The following GNAQ variants were observed in gnomAD, a reference collection of about 807,000 sequenced individuals.
GNAQ encodes G protein subunit alpha q.
In GNAQ, 8 loss-of-function variants were observed where a neutral mutation model predicts 43.9. That is an observed-to-expected ratio of 0.18 (90% CI 0.11 to 0.33). The LOEUF (loss-of-function observed/expected upper bound fraction) is 0.33, where lower values mean the gene tolerates loss of function less well. GNAQ is among the 10% of genes least tolerant of loss of function. GNAQ has a pLI of 1.00. For synonymous variants in GNAQ, 155 were observed against 170.7 expected, an observed-to-expected ratio of 0.91 and a Z score of 0.71; for missense variants, 158 against 450.8, an observed-to-expected ratio of 0.35 and a Z score of 5.88.
chr9:77,899,359 A>G (rs1248872491), intron 2 of GNAQ, among the ~76,000 whole-genome samples: 2 of 151,986 alleles, frequency 1.3e-5, no homozygotes, highest in African/African-American at 4.8e-5. Context: ...AGCCTCCCAA[A>G]GTGCTGGGAC....
chr9:77,967,686 A>G (rs1156338529), intron 1 of GNAQ, among the ~76,000 whole-genome samples: 1 of 152,120 alleles, frequency 6.6e-6, no homozygotes, highest in Non-Finnish European at 1.5e-5. Flanking sequence ...TGACTGTTAA[A>G]ATGTTCAGGT....
At chr9:77,847,432 G>A (rs1379640346) in intron 2 of GNAQ, among the ~76,000 whole-genome samples, 1 of 152,224 alleles carries the variant, frequency 6.6e-6, no homozygotes. Flanking sequence ...GGAGATGGAA[G>A]AGGAAATGAC....
At chr9:77,877,387 T>C (rs1316797736) in intron 2 of GNAQ, among the ~76,000 whole-genome samples, 3 of 152,186 alleles carry the variant, frequency 2.0e-5, no homozygotes, top group African/African-American at 7.2e-5. Context: ...CCCCATGTAA[T>C]GACGAGAATA....
chr9:77,744,589 G>A (rs1461278134), intron 5 of GNAQ, among the ~76,000 whole-genome samples: 2 of 152,118 alleles, frequency 1.3e-5, no homozygotes, highest in East Asian at 3.9e-4. Flanking sequence ...CAAAATCATT[G>A]GGCTAGCTTT....
chr9:77,963,919 C>A (rs952069997), intron 1 of GNAQ, among the ~76,000 whole-genome samples: 1 of 152,046 alleles, frequency 6.6e-6, no homozygotes, highest in African/African-American at 2.4e-5. Context: ...TTAAAAGGCA[C>A]CCATTTTTCT....
At chr9:77,965,265 A>T (rs188042045) in intron 1 of GNAQ, among the ~76,000 whole-genome samples, 4 of 152,266 alleles carry the variant, frequency 2.6e-5, no homozygotes. Context: ...CTCACGAATC[A>T]ACCCTGTCCC....
chr9:77,940,716 C>A (rs1324781154), intron 1 of GNAQ, among the ~76,000 whole-genome samples: 2 of 152,044 alleles, frequency 1.3e-5, no homozygotes, highest in Non-Finnish European at 2.9e-5. Context: ...GCCTGTAATC[C>A]CAGCACTTTG....
chr9:77,901,093 G>A (rs937831958), intron 2 of GNAQ, among the ~76,000 whole-genome samples: 2 of 151,974 alleles, frequency 1.3e-5, no homozygotes, highest in African/African-American at 2.4e-5. Flanking sequence ...CTTTCACTCC[G>A]GCTCCTCACT....
chr9:77,819,002 CAAAAAAAAAA>C (rs10547681), intron 2 of GNAQ, among the ~76,000 whole-genome samples: 12 of 45,290 alleles, frequency 2.6e-4, no homozygotes, highest in African/African-American at 1.1e-3. Context: ...ACCATCTCTC[CAAAAAAAAAA>C]AAAAAAAAAA....
chr9:78,028,404 C>G (rs564860229), intron 1 of GNAQ, among the ~76,000 whole-genome samples: 16 of 152,270 alleles, frequency 1.1e-4, no homozygotes, highest in African/African-American at 3.8e-4. Flanking sequence ...TACTGCCATA[C>G]TTTCATCTAG....
At chr9:77,923,971 G>C (rs1432829316) in intron 1 of GNAQ, among the ~76,000 whole-genome samples, 1 of 152,126 alleles carries the variant, frequency 6.6e-6, no homozygotes, top group Non-Finnish European at 1.5e-5. Context: ...AGTTTTCATA[G>C]AAGCCTCTTA....
intron 1 of GNAQ, among the ~76,000 whole-genome samples, chr9:77,934,547 A>G (rs1383494501): frequency 6.6e-6 from 1 of 152,168 alleles, no homozygotes; most frequent in Non-Finnish European, 1.5e-5. Context: ...AAGAGAAGCA[A>G]TGATCTAGGA....
intron 2 of GNAQ, among the ~76,000 whole-genome samples, chr9:77,835,163 C>T (rs906632898): frequency 1.3e-5 from 2 of 152,048 alleles, no homozygotes; most frequent in Non-Finnish European, 2.9e-5. Flanking sequence ...TCACAATACA[C>T]AGAACAGCAT....
intron 2 of GNAQ, among the ~76,000 whole-genome samples, chr9:77,879,542 G>A (rs1189821247): frequency 1.3e-5 from 2 of 152,072 alleles, no homozygotes; most frequent in South Asian, 4.1e-4. Context: ...GAGCCACCAC[G>A]CCCAGCCGAT....
At chr9:77,878,539 T>C (rs538973588) in intron 2 of GNAQ, among the ~76,000 whole-genome samples, 3 of 152,126 alleles carry the variant, frequency 2.0e-5, no homozygotes, top group South Asian at 2.1e-4. Context: ...TCCTGGGCCA[T>C]AAAATGCACC....
chr9:77,899,081 C>A (rs6560619), intron 2 of GNAQ, among the ~76,000 whole-genome samples: 6,848 of 152,124 alleles, frequency 0.045, 554 homozygotes, highest in African/African-American at 0.16. Context: ...CCAACCAAAT[C>A]TCACTCACCC....
At chr9:77,777,280 G>T (rs1032303907) in intron 5 of GNAQ, among the ~76,000 whole-genome samples, 7 of 152,056 alleles carry the variant, frequency 4.6e-5, no homozygotes, top group African/African-American at 1.7e-4. Flanking sequence ...TAGTGCAAAT[G>T]CAATATATAT....
intron 1 of GNAQ, among the ~76,000 whole-genome samples, chr9:78,004,196 A>G (rs968825071): frequency 2.0e-5 from 3 of 151,626 alleles, no homozygotes; most frequent in Non-Finnish European, 4.4e-5. Context: ...ATGACCATCC[A>G]AAGTTGGTAT....
intron 1 of GNAQ, among the ~76,000 whole-genome samples, chr9:77,944,916 G>A (rs1192934594): frequency 6.6e-6 from 1 of 152,192 alleles, no homozygotes; most frequent in Non-Finnish European, 1.5e-5. Flanking sequence ...AAACAAGGGA[G>A]AGCCACTCTG....
Sources: allele counts gnomAD v4.1 joint callset (sites outside exome capture counted in the v4.1 genomes callset), GRCh38; gene constraint gnomAD v4.1.1; transcripts MANE v1.5; gene names NCBI Gene and HGNC (gene_info 2026-07-23, HGNC 2026-07-21).